OLFM3: variants seen among roughly 807,000 people sequenced by gnomAD.
The protein encoded by OLFM3 is noelin-3.
In OLFM3, 20 loss-of-function variants were observed where a neutral mutation model predicts 48.6. The observed-to-expected ratio is 0.41, with a 90% confidence interval of 0.29 to 0.60. OLFM3 has a LOEUF of 0.60. Ranked by LOEUF, OLFM3 falls within the 20% of genes least tolerant of loss-of-function variation. OLFM3 has a pLI of 0.28. For missense variants in OLFM3, 437 were observed against 544.3 expected, an observed-to-expected ratio of 0.80 and a Z score of 1.96; for synonymous variants, 222 against 198.1, an observed-to-expected ratio of 1.12 and a Z score of -1.01.
intron 1 of OLFM3, among the ~76,000 whole-genome samples, chr1:101,930,117 C>A (rs1010962987): frequency 6.6e-6 from 1 of 152,156 alleles, no homozygotes; most frequent in Non-Finnish European, 1.5e-5. Flanking sequence ...ACAGATTGAG[C>A]TTCACTTAAA....
At chr1:101,982,814 G>C (rs1335082224) in intron 1 of OLFM3, among the ~76,000 whole-genome samples, 1 of 152,086 alleles carries the variant, frequency 6.6e-6, no homozygotes, top group Admixed American at 6.6e-5. Flanking sequence ...TTGGTGTCCA[G>C]CTTGCTAAAT....
At chr1:101,836,397 G>T (rs2100922518) in intron 2 of OLFM3, among the ~76,000 whole-genome samples, 1 of 152,310 alleles carries the variant, frequency 6.6e-6, no homozygotes, top group South Asian at 2.1e-4. Flanking sequence ...AAATTGAAGA[G>T]CTTAATGTTA....
At chr1:101,981,374 A>G (rs1661100772) in intron 1 of OLFM3, among the ~76,000 whole-genome samples, 1 of 152,198 alleles carries the variant, frequency 6.6e-6, no homozygotes, top group South Asian at 2.1e-4. Flanking sequence ...CAAATCTCTC[A>G]TGTATCATTC....
intron 1 of OLFM3, among the ~76,000 whole-genome samples, chr1:101,942,294 A>T (rs1242404445): frequency 6.6e-6 from 1 of 152,210 alleles, no homozygotes; most frequent in African/African-American, 2.4e-5. Flanking sequence ...CAGAATGAAA[A>T]ATCTAGGCTG....
chr1:101,827,535 ATTC>A (rs1654921366), intron 3 of OLFM3, among the ~76,000 whole-genome samples: 2 of 152,068 alleles, frequency 1.3e-5, no homozygotes, highest in African/African-American at 4.8e-5. Context: ...TTTAAAAAGT[ATTC>A]TTCAATATTG....
At chr1:101,892,046 A>T (rs945103620) in intron 1 of OLFM3, among the ~76,000 whole-genome samples, 1 of 152,078 alleles carries the variant, frequency 6.6e-6, no homozygotes, top group African/African-American at 2.4e-5. Flanking sequence ...ACTTAATTGT[A>T]TAAAGCTTGA....
chr1:101,902,717 G>T (rs1485774987), intron 1 of OLFM3, among the ~76,000 whole-genome samples: 1 of 151,958 alleles, frequency 6.6e-6, no homozygotes, highest in Non-Finnish European at 1.5e-5. Flanking sequence ...ATTTGTTTAG[G>T]GGTTACTATT....
At chr1:101,954,141 C>G (rs1310493715) in intron 1 of OLFM3, among the ~76,000 whole-genome samples, 1 of 151,910 alleles carries the variant, frequency 6.6e-6, no homozygotes, top group Admixed American at 6.6e-5. Context: ...TTTGTATTAT[C>G]CATTTAAAAT....
intron 1 of OLFM3, among the ~76,000 whole-genome samples, chr1:101,907,163 G>A (rs1034718590): frequency 2.6e-5 from 4 of 151,820 alleles, no homozygotes; most frequent in African/African-American, 9.7e-5. Context: ...TTTTGCCATG[G>A]GATTCAAATA....
chr1:101,885,903 T>C (rs1253503843), intron 1 of OLFM3, among the ~76,000 whole-genome samples: 1 of 152,118 alleles, frequency 6.6e-6, no homozygotes, highest in East Asian at 1.9e-4. Context: ...TCAAAAGTTA[T>C]ACATGGATTT....
intron 4 of OLFM3, chr1:101,813,080 AATACT>A: frequency 7.8e-7 from 1 of 1,283,260 alleles, no homozygotes. Flanking sequence ...AGCTTCCCAA[AATACT>A]ATTGCTTATG....
chr1:101,857,155 C>A (rs1656455906), intron 1 of OLFM3, among the ~76,000 whole-genome samples: 2 of 151,924 alleles, frequency 1.3e-5, no homozygotes, highest in Non-Finnish European at 2.9e-5. Context: ...TTCCCCAGTA[C>A]TTTACATTTT....
intron 1 of OLFM3, among the ~76,000 whole-genome samples, chr1:101,939,812 G>GT (rs1659731629): frequency 6.6e-6 from 1 of 152,062 alleles, no homozygotes. Flanking sequence ...GTTTTTGCTT[G>GT]TTTTTTGTTG....
At chr1:101,949,854 C>T (rs1164192713) in intron 1 of OLFM3, among the ~76,000 whole-genome samples, 2 of 144,256 alleles carry the variant, frequency 1.4e-5, no homozygotes, top group Admixed American at 7.1e-5. Context: ...GGCGTAAACC[C>T]GGGAGGCGGA....
chr1:101,940,680 C>CTA (rs140351486), intron 1 of OLFM3, among the ~76,000 whole-genome samples: 37 of 147,926 alleles, frequency 2.5e-4, no homozygotes, highest in Middle Eastern at 7.2e-3. Flanking sequence ...AACTACCCAG[C>CTA]TATATATATA....
chr1:101,986,591 G>T (rs113346766), intron 1 of OLFM3, among the ~76,000 whole-genome samples: 59 of 152,168 alleles, frequency 3.9e-4, no homozygotes, highest in African/African-American at 1.4e-3. Context: ...AGGTTGAGTC[G>T]CTTGAGAGGG....
chr1:101,923,845 A>T lies in OLFM3; in HGVS notation c.69+72903T>A, dbSNP rs547572982. On this transcript the variant is annotated intron_variant, in intron 1 of 5. Transcript: ENST00000370103. ...GTTTTTTTCTAAAATATTCTATATC[A>T]TTTCTTCCATACATATTTTTTAAAA... Among the ~76,000 whole-genome samples the T allele has an allele frequency of 4.8e-3, 727 of 152,134 alleles. 8 individuals are homozygous for T. Among genetic ancestry groups the T allele is most frequent in the African/African-American group, 0.017 (701 of 41,518 alleles).
intron 1 of OLFM3, among the ~76,000 whole-genome samples, chr1:101,874,220 T>A (rs1657202242): frequency 6.6e-6 from 1 of 151,888 alleles, no homozygotes. Flanking sequence ...ATTGATTATA[T>A]TTTGGATGAT....
chr1:101,878,643 T>C (rs994598627), intron 1 of OLFM3, among the ~76,000 whole-genome samples: 5 of 151,814 alleles, frequency 3.3e-5, no homozygotes, highest in African/African-American at 4.8e-5. Context: ...CCATTACCTG[T>C]GAGCTGGTGG....
Sources: allele counts gnomAD v4.1 joint callset (sites outside exome capture counted in the v4.1 genomes callset), GRCh38; gene constraint gnomAD v4.1.1; transcripts MANE v1.5; gene names NCBI Gene and HGNC (gene_info 2026-07-23, HGNC 2026-07-21).